ARID1B: variants seen among roughly 807,000 people sequenced by gnomAD.
The protein encoded by ARID1B is AT-rich interactive domain-containing protein 1B.
A neutral mutation model predicts 212.3 loss-of-function variants in ARID1B; 30 were observed. The ratio of observed to expected loss-of-function variants is 0.14; its 90% CI spans 0.11 to 0.19. ARID1B has a LOEUF of 0.19. Ranked by LOEUF, ARID1B falls within the 10% of genes least tolerant of loss-of-function variation. ARID1B has a pLI of 1.00. For synonymous variants in ARID1B, 1,402 were observed against 1,301.7 expected (o/e 1.08, Z -1.66); for missense variants, 2,891 against 3,204.0 (o/e 0.90, Z 2.36).
intron 3 of ARID1B, among the ~76,000 whole-genome samples, chr6:156,910,432 G>A (rs1789778379): frequency 6.6e-6 from 1 of 152,170 alleles, no homozygotes; most frequent in African/African-American, 2.4e-5. Context: ...ACTGAGAGGT[G>A]TTGTCTTGTA....
intron 4 of ARID1B, among the ~76,000 whole-genome samples, chr6:156,951,678 C>T (rs957948965): frequency 1.1e-4 from 17 of 152,048 alleles, no homozygotes; most frequent in African/African-American, 3.1e-4. Context: ...CTCCTGACCT[C>T]GTGATCCGCC....
At chr6:157,098,227 C>G (rs1433396396) in intron 5 of ARID1B, among the ~76,000 whole-genome samples, 1 of 152,210 alleles carries the variant, frequency 6.6e-6, no homozygotes, top group Non-Finnish European at 1.5e-5. Flanking sequence ...TACCTTACAT[C>G]AAAGCGAGGA....
At chr6:156,862,787 T>G (rs991684815) in intron 2 of ARID1B, among the ~76,000 whole-genome samples, 4 of 152,212 alleles carry the variant, frequency 2.6e-5, no homozygotes, top group African/African-American at 9.6e-5. Context: ...CTGTGCCCGC[T>G]TGGGGGCTGG....
intron 1 of ARID1B, among the ~76,000 whole-genome samples, chr6:156,812,539 G>GA (rs1189472126): frequency 1.3e-5 from 2 of 151,920 alleles, no homozygotes; most frequent in African/African-American, 4.8e-5. Context: ...TAAAGTCAAG[G>GA]ACCTTCTTAT....
At chr6:156,890,534 A>G (rs1233595930) in intron 2 of ARID1B, among the ~76,000 whole-genome samples, 2 of 152,250 alleles carry the variant, frequency 1.3e-5, no homozygotes, top group Admixed American at 6.5e-5. Flanking sequence ...AGCCTGTTAA[A>G]AACTGGCAAT....
intron 2 of ARID1B, among the ~76,000 whole-genome samples, chr6:156,898,580 A>G (rs577876117): frequency 6.6e-6 from 1 of 152,336 alleles, no homozygotes; most frequent in Admixed American, 6.5e-5. Context: ...TGTGTTTCAT[A>G]ATACTATTCA....
rs1781697312 is a variant in ARID1B, at chr6:156,813,045, CAT to C, written c.1792-16180_1792-16179del. 2.1e-5 allele frequency among the ~76,000 whole-genome samples: 3 copies of C among 144,476 alleles called. No homozygotes were observed. In the Admixed American group the frequency reaches 2.1e-4, roughly 10 times the overall value. 94.8% of individuals were successfully genotyped at this position (144,476 alleles called of 152,430 possible). On this transcript the variant is annotated intron_variant, in intron 1 of 19. Coordinates refer to ENST00000636930, the MANE Select transcript of ARID1B (RefSeq NM_001374828.1). Reference sequence around the variant, plus strand: ...GTATGTATATACATATATATATACACATACGTATGTATATACATATATATATA... The same window carrying C: ...GTATGTATATACATATATATATACACACGTATGTATATACATATATATATA...
intron 4 of ARID1B, among the ~76,000 whole-genome samples, chr6:156,956,004 A>G (rs978529085): frequency 2.6e-5 from 4 of 152,146 alleles, no homozygotes; most frequent in Admixed American, 6.5e-5. Flanking sequence ...ACTGCTTGAC[A>G]GCCGTCCAGG....
intron 2 of ARID1B, among the ~76,000 whole-genome samples, chr6:156,890,838 C>T (rs1787871141): frequency 6.6e-6 from 1 of 152,178 alleles, no homozygotes; most frequent in Admixed American, 6.5e-5. Context: ...GACTATTTCT[C>T]ATTTTTCAAG....
intron 1 of ARID1B, among the ~76,000 whole-genome samples, chr6:156,808,908 T>A (rs9397970): frequency 6.6e-6 from 1 of 152,172 alleles, no homozygotes; most frequent in South Asian, 2.1e-4. Flanking sequence ...GAGAAATGTC[T>A]TAAGATTTGT....
Position 156,778,545 on chromosome 6 carries a change from G to T in ARID1B, c.865G>T (p.Gly289Cys), listed in dbSNP as rs1271569386. ...CGGCCGCTACGAGCACCCGGGCTTG[G>T]GCGCCCTGGGCACGCAGCAGCCGCC... ...AGGRYEHPGLGALGTQQPPVA... is the reference protein window; with the variant it reads ...AGGRYEHPGLCALGTQQPPVA... Residue 289 changes from glycine (G) to cysteine (C), a missense_variant, in exon 1 of 20, where the codon GGC (glycine) becomes TGC (cysteine). Coordinates refer to ENST00000636930, the MANE Select transcript of ARID1B (RefSeq NM_001374828.1). 1 of 1,231,702 alleles carries T rather than the reference G, an allele frequency of 8.1e-7. No homozygotes were observed. The highest frequency in any genetic ancestry group is 1.0e-6 in the Non-Finnish European group (1 of 990,614). 76.3% of individuals were successfully genotyped at this position (1,231,702 alleles called of 1,614,324 possible).
chr6:156,783,456 T>C (rs1779419434), intron 1 of ARID1B, among the ~76,000 whole-genome samples: 1 of 152,138 alleles, frequency 6.6e-6, no homozygotes, highest in South Asian at 2.1e-4. Flanking sequence ...TTAAAGAGAA[T>C]AGGTGTAATA....
At chr6:157,039,371 C>T (rs1442424166) in intron 4 of ARID1B, among the ~76,000 whole-genome samples, 36 of 122,196 alleles carry the variant, frequency 2.9e-4, no homozygotes, top group Admixed American at 2.0e-3. Context: ...TCGCCCAGGC[C>T]GGACTGCGGA....
In ARID1B at chr6:156,871,743, T is replaced by G. The variant is rs1212795304; in HGVS notation, c.1987-29633T>G. 3 of 1,438,822 alleles carry G rather than the reference T, an allele frequency of 2.1e-6. No individual in the cohort carries two copies. In the East Asian group the frequency reaches 7.2e-5, roughly 35 times the overall value. The allele number at this position is 1,438,822 out of a possible 1,614,324, so 89.1% of individuals were successfully genotyped here. A position where few individuals can be genotyped will look rare whatever the true frequency, so the allele number is the denominator to read the frequency against. Reference sequence around the variant, plus strand: ...AGCTGGCACATCTGTGTTGTTCCCCTCCTGCAGGAACAGGGGCTTCTTAGA... The same window carrying G: ...AGCTGGCACATCTGTGTTGTTCCCCGCCTGCAGGAACAGGGGCTTCTTAGA... On this transcript the variant is annotated intron_variant, in intron 2 of 19. Transcript: ENST00000636930.
At chr6:156,998,210 CTCT>C (rs1165752212) in intron 4 of ARID1B, among the ~76,000 whole-genome samples, 4 of 141,816 alleles carry the variant, frequency 2.8e-5, no homozygotes, top group South Asian at 2.5e-4. Context: ...TGATCTCTCT[CTCT>C]TTTTTTTTTT....
rs1480833557 is a variant in ARID1B at position 156,779,207 on chromosome 6, C to G, written c.1527C>G (p.Pro509=). 1 of 1,328,560 alleles carries G rather than the reference C, an allele frequency of 7.5e-7. No homozygotes were observed. The highest frequency in any genetic ancestry group is 9.7e-7 in the Non-Finnish European group (1 of 1,030,802). The allele number at this position is 1,328,560 out of a possible 1,614,324, so 82.3% of individuals were successfully genotyped here. A position where few individuals can be genotyped will look rare whatever the true frequency, so the allele number is the denominator to read the frequency against. Residue 509 remains proline, a synonymous_variant, in exon 1 of 20, where the codon CCC becomes CCG. Coordinates refer to ENST00000636930, the MANE Select transcript of ARID1B (RefSeq NM_001374828.1). ...CCCTCAATCAGCTGCTCACCTCGCC[C>G]AGCCCCATGATGCGGAGCTACGGCG... The part of the protein sequence containing the change: ...TPTLNQLLTS[P]SPMMRSYGGS...
intron 9 of ARID1B, 40 bp from the exon 10 acceptor site, chr6:157,173,966 TCA>T (rs780678656): frequency 1.1e-5 from 17 of 1,547,098 alleles, no homozygotes; most frequent in Non-Finnish European, 1.5e-5. Flanking sequence ...GTCTGACGAA[TCA>T]CACATATAAT....
intron 7 of ARID1B, among the ~76,000 whole-genome samples, chr6:157,146,514 C>T (rs1789734199): frequency 6.6e-6 from 1 of 152,222 alleles, no homozygotes; most frequent in Non-Finnish European, 1.5e-5. Flanking sequence ...CCTCAGCCCC[C>T]ATCAGACTCA....
intron 3 of ARID1B, among the ~76,000 whole-genome samples, chr6:156,928,827 C>CGG (rs1791463442): frequency 6.6e-6 from 1 of 152,146 alleles, no homozygotes; most frequent in African/African-American, 2.4e-5. Context: ...CTTACTTATT[C>CGG]ATGTTACTGG....
Sources: gnomAD v4.1 joint callset for allele counts (sites outside exome capture counted in the v4.1 genomes callset) on GRCh38, gnomAD v4.1.1 for gene constraint, MANE v1.5 for transcripts, NCBI Gene and HGNC (gene_info 2026-07-23, HGNC 2026-07-21) for gene names.